Variants in ADAMTSL1 observed in about 807,000 individuals in gnomAD.
ADAMTSL1 encodes the protein ADAMTS like 1.
In ADAMTSL1, 126 loss-of-function variants were observed where a neutral mutation model predicts 201.8. The observed-to-expected ratio is 0.62, with a 90% CI of 0.54 to 0.72. The LOEUF (loss-of-function observed/expected upper bound fraction) is 0.72. Among genes scored for constraint, ADAMTSL1 ranks in the 30% least tolerant of loss-of-function variants. ADAMTSL1 has a pLI of 0.00. For missense variants in ADAMTSL1, 2,679 were observed against 2,277.8 expected (o/e 1.18, Z -3.59); for synonymous variants, 1,121 against 903.4 (o/e 1.24, Z -4.32).
chr9:18,020,257 A>C (rs1820426123), intron 1 of ADAMTSL1, among the ~76,000 whole-genome samples: 1 of 152,072 alleles, frequency 6.6e-6, no homozygotes, highest in African/African-American at 2.4e-5. Context: ...TACTGGCATC[A>C]TTCTCTTTAG....
intron 1 of ADAMTSL1, among the ~76,000 whole-genome samples, chr9:17,971,139 C>A (rs1260267668): frequency 6.6e-6 from 1 of 152,002 alleles, no homozygotes; most frequent in East Asian, 1.9e-4. Flanking sequence ...GAAGGTCATT[C>A]AGGTATGAGA....
At chr9:18,164,148 G>C (rs888763906) in intron 2 of ADAMTSL1, among the ~76,000 whole-genome samples, 1 of 151,796 alleles carries the variant, frequency 6.6e-6, no homozygotes, top group African/African-American at 2.4e-5. Flanking sequence ...AGACTGTATA[G>C]GGCAACTTTC....
Position 18,571,897 on chromosome 9 carries a change from T to A in ADAMTSL1, c.238-2133T>A, listed in dbSNP as rs73644248. The stretch of plus-strand genomic sequence containing the variant: ...TCTGAAAGGAGCTTGTGTTAAACAT[T>A]TAAAGTTGTTTGTGGCCAGTTGCGG... On this transcript the variant is annotated intron_variant, in intron 3 of 28. Coordinates refer to ENST00000380548, the MANE Select transcript of ADAMTSL1 (RefSeq NM_001040272.6). 5.5e-3 allele frequency among the ~76,000 whole-genome samples: 845 copies of A among 152,290 alleles called. 11 individuals carry two copies. Among genetic ancestry groups the A allele is most frequent in the African/African-American group, 0.02 (812 of 41,564 alleles).
chr9:18,319,691 T>G (rs143032766), intron 2 of ADAMTSL1, among the ~76,000 whole-genome samples: 15 of 152,310 alleles, frequency 9.8e-5, no homozygotes, highest in Non-Finnish European at 1.8e-4. Flanking sequence ...TCTATAGATT[T>G]CACATGGAAG....
intron 2 of ADAMTSL1, among the ~76,000 whole-genome samples, chr9:18,377,424 CTG>C (rs1339367075): frequency 6.6e-6 from 1 of 152,198 alleles, no homozygotes; most frequent in Non-Finnish European, 1.5e-5. Flanking sequence ...TCAAGAGTGA[CTG>C]TGAAAACTTA....
At chr9:17,966,718 C>T (rs866723596) in intron 1 of ADAMTSL1, among the ~76,000 whole-genome samples, 2 of 152,126 alleles carry the variant, frequency 1.3e-5, no homozygotes, top group African/African-American at 2.4e-5. Context: ...TATATCTCTT[C>T]ATTCACTGAG....
chr9:18,040,604 G>A (rs1017172653), intron 1 of ADAMTSL1, among the ~76,000 whole-genome samples: 1 of 152,166 alleles, frequency 6.6e-6, no homozygotes, highest in Non-Finnish European at 1.5e-5. Context: ...TACTGCTATA[G>A]TGAATTTGTC....
chr9:18,482,706 T>TA (rs1197579182), intron 1 of ADAMTSL1, among the ~76,000 whole-genome samples: 2 of 152,206 alleles, frequency 1.3e-5, no homozygotes, highest in African/African-American at 4.8e-5. Context: ...TTGCTGGCTG[T>TA]AATCTCAGTC....
intron 1 of ADAMTSL1, among the ~76,000 whole-genome samples, chr9:17,967,928 T>A (rs973912791): frequency 6.6e-6 from 1 of 152,150 alleles, no homozygotes; most frequent in African/African-American, 2.4e-5. Flanking sequence ...AGACAGGGTG[T>A]GTAACTTGCT....
In ADAMTSL1 at chr9:18,318,931, G is replaced by T. The variant is rs189645056; in HGVS notation, c.207+154950G>T. Among the ~76,000 whole-genome samples the T allele has an allele frequency of 3.8e-3, 584 of 152,302 alleles. 3 individuals are homozygous for T. Among genetic ancestry groups the T allele is most frequent in the African/African-American group, 0.013 (559 of 41,570 alleles). On this transcript the variant is annotated intron_variant, in intron 2 of 29. Transcript: ENST00000680146. ...TACTTTACAAACAAATAAAGAGGCT[G>T]GGCACAGTGGCTCATGCCTGTAATC...
chr9:18,795,971 G>A (rs1280232411), intron 20 of ADAMTSL1, among the ~76,000 whole-genome samples: 1 of 152,156 alleles, frequency 6.6e-6, no homozygotes, highest in Admixed American at 6.5e-5. Flanking sequence ...ATGGCTTGAA[G>A]CAGGAGTGTT....
intron 1 of ADAMTSL1, among the ~76,000 whole-genome samples, chr9:18,107,385 C>G (rs893714511): frequency 6.6e-6 from 1 of 152,170 alleles, no homozygotes; most frequent in Non-Finnish European, 1.5e-5. Context: ...CTTCCTCCTG[C>G]AGCAGAAGCA....
intron 19 of ADAMTSL1, among the ~76,000 whole-genome samples, chr9:18,781,032 T>G (rs1821360452): frequency 6.6e-6 from 1 of 152,238 alleles, no homozygotes; most frequent in African/African-American, 2.4e-5. Context: ...CCAATAATTC[T>G]TGAAATAGCA....
intron 4 of ADAMTSL1, among the ~76,000 whole-genome samples, chr9:18,591,614 T>A: frequency 6.6e-6 from 1 of 152,184 alleles, no homozygotes; most frequent in Non-Finnish European, 1.5e-5. Flanking sequence ...TGTCTTTCTT[T>A]GTGCCTAAGT....
intron 2 of ADAMTSL1, among the ~76,000 whole-genome samples, chr9:18,458,492 G>T (rs1231624620): frequency 6.6e-6 from 1 of 152,152 alleles, no homozygotes; most frequent in African/African-American, 2.4e-5. Flanking sequence ...TGTGAGATCT[G>T]AACAGTTTAC....
chr9:18,041,772 A>G (rs980524788), intron 1 of ADAMTSL1, among the ~76,000 whole-genome samples: 63 of 152,170 alleles, frequency 4.1e-4, no homozygotes, highest in Admixed American at 1.0e-3. Context: ...TTGTACATAC[A>G]GATTTAAAAT....
intron 7 of ADAMTSL1, among the ~76,000 whole-genome samples, chr9:18,653,932 G>C (rs1291224291): frequency 1.3e-5 from 2 of 152,190 alleles, no homozygotes; most frequent in Non-Finnish European, 2.9e-5. Flanking sequence ...AAGGAGGGTA[G>C]AAAGTGCTCT....
intron 2 of ADAMTSL1, among the ~76,000 whole-genome samples, chr9:18,327,179 G>A (rs1010582729): frequency 2.6e-4 from 40 of 151,986 alleles, no homozygotes; most frequent in African/African-American, 9.4e-4. Flanking sequence ...TGACACTCTT[G>A]TTTCTGTAAT....
intron 2 of ADAMTSL1, among the ~76,000 whole-genome samples, chr9:18,217,279 G>A (rs1238027390): frequency 6.6e-6 from 1 of 152,162 alleles, no homozygotes; most frequent in Non-Finnish European, 1.5e-5. Context: ...ACCCTGTGAA[G>A]TTTAGATGAG....
Sources: gnomAD v4.1 joint callset for allele counts (sites outside exome capture counted in the v4.1 genomes callset) on GRCh38, gnomAD v4.1.1 for gene constraint, MANE v1.5 for transcripts, NCBI Gene and HGNC (gene_info 2026-07-23, HGNC 2026-07-21) for gene names.